Variants in FKBP5 observed in about 807,000 individuals in gnomAD.
The protein encoded by FKBP5 is FKBP prolyl isomerase 5.
Under a neutral mutation model 50.5 loss-of-function variants are expected in FKBP5, and 23 were observed. That is an observed-to-expected ratio of 0.46 (90% CI 0.33 to 0.65). FKBP5 has a LOEUF of 0.65. Among genes scored for constraint, FKBP5 ranks in the 30% least tolerant of loss-of-function variants. FKBP5 has a pLI of 0.02. For missense variants in FKBP5, 411 were observed against 553.1 expected, an observed-to-expected ratio of 0.74 and a Z score of 2.58; for synonymous variants, 176 against 190.6, an observed-to-expected ratio of 0.92 and a Z score of 0.63.
chr6:35,635,026 C>CAAAAAAAAAAAAAAAAAAA (rs35794477), intron 3 of FKBP5, among the ~76,000 whole-genome samples: 1 of 75,138 alleles, frequency 1.3e-5, no homozygotes, highest in Non-Finnish European at 2.6e-5. Context: ...CCTGTCTCTA[C>CAAAAAAAAAAAAAAAAAAA]AAAAAAAAAA....
chr6:35,696,250 G>A (rs989080206), intron 2 of FKBP5, among the ~76,000 whole-genome samples: 9 of 151,782 alleles, frequency 5.9e-5, no homozygotes, highest in Non-Finnish European at 1.0e-4. Context: ...GGCCAGGCAC[G>A]GTGGCTCCTG....
At chr6:35,655,130 T>G (rs533643676) in intron 1 of FKBP5, among the ~76,000 whole-genome samples, 161 of 152,216 alleles carry the variant, frequency 1.1e-3, no homozygotes, top group African/African-American at 3.6e-3. Flanking sequence ...AAGACCAGCC[T>G]GGCCAACATA....
chr6:35,626,603 T>C (rs1436953473), intron 3 of FKBP5, among the ~76,000 whole-genome samples: 1 of 152,210 alleles, frequency 6.6e-6, no homozygotes, highest in Non-Finnish European at 1.5e-5. Flanking sequence ...AACTTTTTCA[T>C]CTTGCAAAAC....
intron 1 of FKBP5, among the ~76,000 whole-genome samples, chr6:35,644,877 T>C (rs1333603855): frequency 6.6e-6 from 1 of 152,172 alleles, no homozygotes; most frequent in Non-Finnish European, 1.5e-5. Context: ...CAAAAAAATT[T>C]CCTGGGGATT....
chr6:35,680,800 C>A (rs1339548499), intron 1 of FKBP5, among the ~76,000 whole-genome samples: 1 of 152,214 alleles, frequency 6.6e-6, no homozygotes, highest in East Asian at 1.9e-4. Flanking sequence ...CATGTCTTTG[C>A]AACAGCTAGC....
At chr6:35,685,290 A>T (rs1442147104) in intron 1 of FKBP5, among the ~76,000 whole-genome samples, 5 of 152,144 alleles carry the variant, frequency 3.3e-5, no homozygotes, top group Non-Finnish European at 7.3e-5. Context: ...TAAACATCTC[A>T]TTTGCAAATT....
chr6:35,711,996 C>T (rs1377924984), intron 2 of FKBP5, among the ~76,000 whole-genome samples: 2 of 151,160 alleles, frequency 1.3e-5, no homozygotes, highest in Non-Finnish European at 2.9e-5. Flanking sequence ...ACTTAAGCCT[C>T]CCAAGTTGCT....
chr6:35,718,040 G>A (rs1030212302), intron 2 of FKBP5, among the ~76,000 whole-genome samples: 2 of 152,200 alleles, frequency 1.3e-5, no homozygotes, highest in African/African-American at 4.8e-5. Context: ...GGATGGGAGG[G>A]TTGCAAAATG....
intron 1 of FKBP5, among the ~76,000 whole-genome samples, chr6:35,727,971 G>A (rs1766753499): frequency 6.6e-6 from 1 of 152,214 alleles, no homozygotes; most frequent in Non-Finnish European, 1.5e-5. Context: ...GCGCCCCGGA[G>A]GTTGCTCGCC....
At chr6:35,658,280 C>T (rs1345165032) in intron 1 of FKBP5, among the ~76,000 whole-genome samples, 1 of 151,480 alleles carries the variant, frequency 6.6e-6, no homozygotes, top group Non-Finnish European at 1.5e-5. Flanking sequence ...GAGGCTGAGA[C>T]AGGAGAATGG....
chr6:35,666,394 T>TAAAAAAAAA lies in FKBP5; in HGVS notation c.-20+22401_-20+22409dup, dbSNP rs550878351. On this transcript the variant is annotated intron_variant, in intron 1 of 10. Coordinates refer to ENST00000357266, the MANE Select transcript of FKBP5 (RefSeq NM_004117.4). ...CATGCAGAAACACTACTATTATAGT[T>TAAAAAAAAA]AAAAAAAAAAAAAAAAAAAAAAAAA... Among the ~76,000 whole-genome samples, 92 of 33,246 alleles carry TAAAAAAAAA rather than the reference T, an allele frequency of 2.8e-3. 14 individuals are homozygous for TAAAAAAAAA. The highest frequency in any genetic ancestry group is 8.0e-3 in the African/African-American group (70 of 8,730). The allele number at this position is 33,246 out of a possible 152,430, so 21.8% of individuals were successfully genotyped here. A position where few individuals can be genotyped will look rare whatever the true frequency, so the allele number is the denominator to read the frequency against.
At chr6:35,719,216 T>C (rs560321616) in intron 2 of FKBP5, among the ~76,000 whole-genome samples, 2 of 152,362 alleles carry the variant, frequency 1.3e-5, no homozygotes, top group African/African-American at 2.4e-5. Context: ...AGAACTTTAT[T>C]GCTCATTTCC....
At chr6:35,598,771 G>T (rs937622771) in intron 5 of FKBP5, among the ~76,000 whole-genome samples, 1 of 151,844 alleles carries the variant, frequency 6.6e-6, no homozygotes, top group Non-Finnish European at 1.5e-5. Flanking sequence ...AGGAGTTTGA[G>T]ACTAGCCTGG....
At chr6:35,684,485 T>C (rs2151012313) in intron 1 of FKBP5, among the ~76,000 whole-genome samples, 1 of 152,296 alleles carries the variant, frequency 6.6e-6, no homozygotes, top group Non-Finnish European at 1.5e-5. Flanking sequence ...GCCACCTTTT[T>C]CTAAGAAGAA....
intron 1 of FKBP5, among the ~76,000 whole-genome samples, chr6:35,648,270 TTTC>T (rs1325146027): frequency 6.6e-5 from 10 of 152,306 alleles, no homozygotes; most frequent in African/African-American, 2.4e-4. Flanking sequence ...TTTTTATTTA[TTTC>T]TTATTGTCTC....
At chr6:35,589,110 T>TTATATATATATATATATATATATTTTTA (rs1169766848) in intron 7 of FKBP5, among the ~76,000 whole-genome samples, 2 of 103,006 alleles carry the variant, frequency 1.9e-5, no homozygotes, top group Non-Finnish European at 3.8e-5. Flanking sequence ...ATATATATTT[T>TTATATATATATATATATATATATTTTTA]TATATATATA....
chr6:35,706,820 A>G (rs1766326129), intron 2 of FKBP5, among the ~76,000 whole-genome samples: 1 of 152,220 alleles, frequency 6.6e-6, no homozygotes, highest in Non-Finnish European at 1.5e-5. Flanking sequence ...TTTGATCATC[A>G]GTAGCAGGGG....
intron 2 of FKBP5, among the ~76,000 whole-genome samples, chr6:35,696,144 CA>C (rs60390656): frequency 0.088 from 5,651 of 64,550 alleles, 165 homozygotes; most frequent in African/African-American, 0.21. Flanking sequence ...GACTCTGTCT[CA>C]AAAAAAAAAA....
chr6:35,607,242 T>C (rs1382040286), intron 5 of FKBP5, among the ~76,000 whole-genome samples: 1 of 151,940 alleles, frequency 6.6e-6, no homozygotes, highest in Middle Eastern at 3.2e-3. Flanking sequence ...CCAGCCTGTT[T>C]TGTTTTGAGA....
Sources: allele counts gnomAD v4.1 joint callset (sites outside exome capture counted in the v4.1 genomes callset), GRCh38; gene constraint gnomAD v4.1.1; transcripts MANE v1.5; gene names NCBI Gene and HGNC (gene_info 2026-07-23, HGNC 2026-07-21).